Variants in MAGI2 observed in about 807,000 individuals in gnomAD.
MAGI2 encodes the protein membrane associated guanylate kinase, WW and PDZ domain containing 2.
MAGI2 carries 35 observed loss-of-function variants against 133.3 expected under a neutral mutation model. That is an observed-to-expected ratio of 0.26 (90% CI 0.20 to 0.35). The LOEUF (loss-of-function observed/expected upper bound fraction) is 0.35. Among genes scored for constraint, MAGI2 ranks in the 10% least tolerant of loss-of-function variants. The probability of loss-of-function intolerance (pLI) is 1.00; values close to 1 mark genes in which losing one functional copy is unlikely to be tolerated. For missense variants in MAGI2, 1,636 were observed against 1,863.4 expected (o/e 0.88, Z 2.25); for synonymous variants, 729 against 710.6 (o/e 1.03, Z -0.41).
chr7:79,416,725 C>CTTTTTTTTTTTTTTTTTTTT lies in MAGI2; in HGVS notation c.301+36294_301+36295insAAAAAAAAAAAAAAAAAAAA, dbSNP rs1176426138. On this transcript the variant is annotated intron_variant, in intron 1 of 21. Coordinates refer to ENST00000354212, the MANE Select transcript of MAGI2 (RefSeq NM_012301.4). ...TTCTTTTTTCTTTTCTTTTCTTTTT[C>CTTTTTTTTTTTTTTTTTTTT]TTTTTCTTTTTTTTTTTTTGAGGTG... is the stretch of plus-strand genomic sequence containing the variant. Among the ~76,000 whole-genome samples, 99 of 102,452 alleles carry CTTTTTTTTTTTTTTTTTTTT rather than the reference C, an allele frequency of 9.7e-4. 18 individuals carry two copies. The highest frequency in any genetic ancestry group is 2.6e-3 in the African/African-American group (63 of 24,042). The allele number at this position is 102,452 out of a possible 152,430, so 67.2% of individuals were successfully genotyped here. A position where few individuals can be genotyped will look rare whatever the true frequency, so the allele number is the denominator to read the frequency against.
chr7:78,781,759 G>A (rs926601233), intron 2 of MAGI2, among the ~76,000 whole-genome samples: 2 of 151,992 alleles, frequency 1.3e-5, no homozygotes, highest in East Asian at 3.9e-4. Context: ...AATGCTTTAG[G>A]ACAAAATTAA....
At chr7:78,069,449 T>C (rs1814215462) in intron 21 of MAGI2, among the ~76,000 whole-genome samples, 1 of 151,592 alleles carries the variant, frequency 6.6e-6, no homozygotes, top group Admixed American at 6.6e-5. Flanking sequence ...GCTGAATCAT[T>C]TCTCTAAGAC....
chr7:79,168,675 G>A (rs767562308), intron 1 of MAGI2, among the ~76,000 whole-genome samples: 6 of 151,852 alleles, frequency 4.0e-5, no homozygotes, highest in Non-Finnish European at 8.8e-5. Context: ...ATTTCATCCT[G>A]TTTTCACACA....
intron 2 of MAGI2, among the ~76,000 whole-genome samples, chr7:78,672,863 T>G (rs1814556122): frequency 6.6e-6 from 1 of 152,174 alleles, no homozygotes; most frequent in African/African-American, 2.4e-5. Context: ...CTCTTACCAT[T>G]GTCTCAAACT....
At chr7:78,290,876 C>A (rs1217880059) in intron 9 of MAGI2, among the ~76,000 whole-genome samples, 4 of 152,178 alleles carry the variant, frequency 2.6e-5, no homozygotes, top group Non-Finnish European at 5.9e-5. Flanking sequence ...TAAAGATGTT[C>A]TTTGAAACCA....
chr7:78,679,386 A>G (rs948286704), intron 2 of MAGI2, among the ~76,000 whole-genome samples: 1 of 152,160 alleles, frequency 6.6e-6, no homozygotes, highest in African/African-American at 2.4e-5. Context: ...TTCCAGCCAA[A>G]TGTCCCAATG....
intron 1 of MAGI2, among the ~76,000 whole-genome samples, chr7:79,249,269 T>C (rs2129555555): frequency 6.6e-6 from 1 of 151,934 alleles, no homozygotes; most frequent in East Asian, 1.9e-4. Flanking sequence ...AAAATATTAG[T>C]AGGAGAAAAT....
intron 2 of MAGI2, among the ~76,000 whole-genome samples, chr7:78,967,197 C>T: frequency 6.6e-6 from 1 of 152,040 alleles, no homozygotes; most frequent in East Asian, 1.9e-4. Flanking sequence ...CTGTCTCTGC[C>T]TCTCAAAGTG....
At chr7:79,029,776 A>G (rs10224582) in intron 1 of MAGI2, among the ~76,000 whole-genome samples, 67,241 of 151,930 alleles carry the variant, frequency 0.44, 16,224 homozygotes, top group African/African-American at 0.64. Flanking sequence ...TAAAGGGTAA[A>G]TAGGGTGGTG....
chr7:79,332,336 G>A (rs10271328), intron 1 of MAGI2, among the ~76,000 whole-genome samples: 95,090 of 152,072 alleles, frequency 0.63, 30,491 homozygotes, highest in Non-Finnish European at 0.69. Context: ...ATTAAATTGC[G>A]TAAGCAACTG....
At chr7:78,722,332 T>C (rs772393417) in intron 2 of MAGI2, among the ~76,000 whole-genome samples, 33 of 151,934 alleles carry the variant, frequency 2.2e-4, no homozygotes, top group Non-Finnish European at 4.3e-4. Context: ...CAGGAGGAAA[T>C]AGCACAACAA....
At chr7:78,792,390 C>T (rs565471993) in intron 2 of MAGI2, among the ~76,000 whole-genome samples, 12 of 152,176 alleles carry the variant, frequency 7.9e-5, no homozygotes, top group Admixed American at 7.2e-4. Context: ...TATTTAAAGC[C>T]GCACTTTTTA....
At position 78,506,761 on chromosome 7, in the gene MAGI2, G is replaced by C. The variant is rs180903085; in HGVS notation, c.755-4974C>G. ...GTTACGGCAGTATTTACGGTGGAGT[G>C]GTTGGTGAAGCCAGATTGGAATAGG... On this transcript the variant is annotated intron_variant, in intron 4 of 21. Coordinates refer to ENST00000354212, the MANE Select transcript of MAGI2 (RefSeq NM_012301.4). Among the ~76,000 whole-genome samples the C allele has an allele frequency of 1.9e-4, 29 of 152,262 alleles. No individual in the cohort carries two copies. The East Asian group carries it at 4.8e-3, about 25-fold the overall frequency.
intron 9 of MAGI2, among the ~76,000 whole-genome samples, chr7:78,329,979 A>G (rs998994691): frequency 6.6e-6 from 1 of 151,558 alleles, no homozygotes; most frequent in Non-Finnish European, 1.5e-5. Flanking sequence ...GTGTCTTTAA[A>G]TGTTCAATGC....
At chr7:78,267,233 C>A (rs1794108426) in intron 9 of MAGI2, among the ~76,000 whole-genome samples, 1 of 152,138 alleles carries the variant, frequency 6.6e-6, no homozygotes, top group Admixed American at 6.5e-5. Flanking sequence ...ATGAGGGCTG[C>A]CAGAATATTT....
At chr7:78,409,818 C>T (rs1283703993) in intron 6 of MAGI2, among the ~76,000 whole-genome samples, 1 of 151,924 alleles carries the variant, frequency 6.6e-6, no homozygotes, top group Admixed American at 6.6e-5. Context: ...GAGTCTCTGG[C>T]GCATTCCTAA....
intron 2 of MAGI2, among the ~76,000 whole-genome samples, chr7:78,918,629 C>T (rs1466511472): frequency 6.6e-6 from 1 of 152,070 alleles, no homozygotes; most frequent in African/African-American, 2.4e-5. Flanking sequence ...CAAACATCAC[C>T]ACACAATAGA....
intron 1 of MAGI2, among the ~76,000 whole-genome samples, chr7:79,277,721 C>A (rs1362620845): frequency 6.6e-6 from 1 of 152,126 alleles, no homozygotes; most frequent in African/African-American, 2.4e-5. Context: ...ACTATAGGCC[C>A]TTGACTTCCC....
chr7:78,178,054 C>A lies in MAGI2; in HGVS notation c.2360G>T (p.Gly787Val). 3 of 1,613,304 alleles carry A rather than the reference C, an allele frequency of 1.9e-6. No homozygotes were observed. The highest frequency in any genetic ancestry group is 1.1e-5 in the South Asian group (1 of 91,056). ...TCCCCCGAGGATTCTGAAGCCAAAT[C>A]CAGACTCCATCCTCCGAAGATGAAC... ...LDVHLRRMESGFGFRILGGDE... is the reference protein window; with the variant it reads ...LDVHLRRMESVFGFRILGGDE... The change falls in exon 14 of 22, where the codon GGA becomes GTA. Residue 787 changes from glycine to valine, a missense_variant. By Grantham distance (109) the Gly-to-Val change is moderately radical (BLOSUM62 -3). Around this residue, in one of 5 missense-constraint regions of MAGI2, gnomAD observed 920 missense variants for 1,093.5 expected, o/e 0.84. Transcript: ENST00000354212.
Sources: gnomAD v4.1 joint callset for allele counts (sites outside exome capture counted in the v4.1 genomes callset) on GRCh38, gnomAD v4.1.1 for gene constraint, gnomAD v4.1.1 regional missense constraint, MANE v1.5 for transcripts, NCBI Gene and HGNC (gene_info 2026-07-23, HGNC 2026-07-21) for gene names.